The following CDH7 variants were observed in gnomAD, a reference collection of about 807,000 sequenced individuals.
The protein encoded by CDH7 is cadherin 7.
CDH7 carries 25 observed loss-of-function variants against 71.8 expected under a neutral mutation model. The ratio of observed to expected loss-of-function variants is 0.35; its 90% CI spans 0.25 to 0.49. The LOEUF is 0.49. Among genes scored for constraint, CDH7 ranks in the 20% least tolerant of loss-of-function variants. The pLI, the probability that CDH7 is intolerant of heterozygous loss-of-function variation, is 0.99. For synonymous variants in CDH7, 381 were observed against 363.8 expected, an observed-to-expected ratio of 1.05 and a Z score of -0.54; for missense variants, 862 against 974.6, an observed-to-expected ratio of 0.88 and a Z score of 1.54.
At chr18:65,844,138 C>G in intron 7 of CDH7, 73 bp downstream of exon 7, 2 of 1,175,210 alleles carry the variant, frequency 1.7e-6, no homozygotes, top group Non-Finnish European at 2.4e-6. Flanking sequence ...TTATTTTACG[C>G]TCTGATGTTC....
chr18:65,786,395 T>A (rs959741347), intron 2 of CDH7, among the ~76,000 whole-genome samples: 2 of 152,134 alleles, frequency 1.3e-5, no homozygotes, highest in Non-Finnish European at 2.9e-5. Flanking sequence ...ATCATTACAT[T>A]CCTAAGCCCA....
chr18:65,824,625 C>A lies in CDH7; in HGVS notation c.794-19C>A. ...TTAGTTTGGTGTAACGTGTTCATTT[C>A]TTGCTTTGAATTTCACAGGGTCTTA... On this transcript the variant is annotated intron_variant, in intron 5 of 11. Transcript: ENST00000397968. 2.0e-6 allele frequency: 3 copies of A among 1,496,560 alleles called. No homozygotes were observed. Among genetic ancestry groups the A allele is most frequent in the Admixed American group, 2.1e-5 (1 of 47,264 alleles). 92.7% of individuals were successfully genotyped at this position (1,496,560 alleles called of 1,614,324 possible).
At position 65,809,800 on chromosome 18, in the gene CDH7, G is replaced by A. The variant is rs776542846; in HGVS notation, c.307G>A (p.Asp103Asn). The A allele has an allele frequency of 6.2e-7, 1 of 1,614,026 alleles. No homozygotes were observed. The highest frequency in any genetic ancestry group is 8.5e-7 in the Non-Finnish European group (1 of 1,179,964). The change falls in exon 3 of 12, where the codon GAT becomes AAT. Residue 103 changes from aspartate to asparagine, a missense_variant. Physicochemically the swap from Asp to Asn is conservative, Grantham distance 23 (BLOSUM62 1). Transcript: ENST00000397968. ...SIFIIDENTG[D>N]IHATKRLDRE... is the part of the protein sequence containing the mutation. Reference sequence around the variant, plus strand: ...TTTCATTATTGATGAGAACACTGGGGATATTCATGCCACCAAGAGACTGGA... The same window carrying A: ...TTTCATTATTGATGAGAACACTGGGAATATTCATGCCACCAAGAGACTGGA...
chr18:65,845,228 CAT>C (rs1294519891), intron 7 of CDH7, among the ~76,000 whole-genome samples: 2 of 148,698 alleles, frequency 1.3e-5, no homozygotes. Flanking sequence ...TACATACACA[CAT>C]ATATATAGAA....
In CDH7 at chr18:65,880,991, AG is replaced by A; in HGVS notation, c.*98del. The A allele has an allele frequency of 8.5e-7, 1 of 1,180,128 alleles. No homozygotes were observed. Among genetic ancestry groups the A allele is most frequent in the Non-Finnish European group, 1.2e-6 (1 of 858,482 alleles). 73.1% of individuals were successfully genotyped at this position (1,180,128 alleles called of 1,614,324 possible). The stretch of plus-strand genomic sequence containing the variant: ...AATAAACCACTACATACAGAAAACA[AG>A]AACTCCCCTTGCTGGAGACAGATGG... On this transcript the variant is annotated 3_prime_UTR_variant, in exon 12 of 12. Coordinates refer to ENST00000397968, the MANE Select transcript of CDH7 (RefSeq NM_004361.5).
rs73542735 is a variant in CDH7 at position 65,804,353 on chromosome 18, G to A, written c.211-5351G>A. On this transcript the variant is annotated intron_variant, in intron 2 of 11. Transcript: ENST00000397968. ...TTAGGTAGTAAAGATAAGATCATCAGTAAGATCAAATAACAAGCAGAGTTT... is the reference window on the plus strand; with the variant it reads ...TTAGGTAGTAAAGATAAGATCATCAATAAGATCAAATAACAAGCAGAGTTT... 6.1e-3 allele frequency among the ~76,000 whole-genome samples: 921 copies of A among 152,160 alleles called. 13 individuals carry two copies. Among genetic ancestry groups the A allele is most frequent in the African/African-American group, 0.021 (889 of 41,542 alleles).
intron 4 of CDH7, among the ~76,000 whole-genome samples, chr18:65,819,454 A>G (rs1911839779): frequency 2.6e-5 from 4 of 152,014 alleles, no homozygotes. Flanking sequence ...AACCTCCTGG[A>G]CTAAGTCCCA....
chr18:65,809,379 C>T (rs1911441633), intron 2 of CDH7, among the ~76,000 whole-genome samples: 1 of 152,152 alleles, frequency 6.6e-6, no homozygotes, highest in African/African-American at 2.4e-5. Flanking sequence ...TACTGAATGC[C>T]TGCTCTGTTC....
At chr18:65,750,641 C>G (rs1389966303), upstream of CDH7, 1 of 152,126 alleles carries the variant, frequency 6.6e-6, no homozygotes, top group Non-Finnish European at 1.5e-5. Context: ...TCCAGTAGCC[C>G]CCACCGGGTC....
chr18:65,834,834 C>A (rs568896743), intron 6 of CDH7, among the ~76,000 whole-genome samples: 1 of 152,308 alleles, frequency 6.6e-6, no homozygotes, highest in South Asian at 2.1e-4. Context: ...TCTGGATATG[C>A]TGCCATCACC....
intron 6 of CDH7, among the ~76,000 whole-genome samples, chr18:65,832,065 A>G (rs1001528614): frequency 9.9e-5 from 15 of 152,144 alleles, no homozygotes; most frequent in African/African-American, 3.6e-4. Context: ...CATTTGGACA[A>G]TAAAGCTTTA....
intron 7 of CDH7, among the ~76,000 whole-genome samples, chr18:65,844,832 T>TGTCTTATTTG: frequency 6.6e-6 from 1 of 152,094 alleles, no homozygotes; most frequent in South Asian, 2.1e-4. Flanking sequence ...TTGTATTATA[T>TGTCTTATTTG]GTCTTATTTG....
intron 11 of CDH7, among the ~76,000 whole-genome samples, chr18:65,874,964 A>G (rs1217771460): frequency 6.6e-6 from 1 of 152,174 alleles, no homozygotes; most frequent in Admixed American, 6.5e-5. Flanking sequence ...ATGCATGTGG[A>G]GCAAGCTTGT....
chr18:65,750,346 A>AGCTC (rs1915827612), upstream of CDH7: 1 of 152,016 alleles, frequency 6.6e-6, no homozygotes, highest in Non-Finnish European at 1.5e-5. Flanking sequence ...ATGCCTCAGG[A>AGCTC]GCTCAACTGA....
At chr18:65,858,076 A>G (rs1913429522) in intron 8 of CDH7, 124 bp downstream of exon 8, 6 of 791,270 alleles carry the variant, frequency 7.6e-6, no homozygotes, top group Middle Eastern at 2.5e-4. Context: ...AAAACTTGAG[A>G]ATACCAAATT....
intron 2 of CDH7, among the ~76,000 whole-genome samples, chr18:65,793,313 AT>A (rs1316472800): frequency 2.6e-5 from 4 of 151,052 alleles, no homozygotes; most frequent in African/African-American, 9.8e-5. Context: ...CGTGTGTGTC[AT>A]TTCAGCTTCT....
At chr18:65,766,132 G>A (rs758852179) in intron 2 of CDH7, among the ~76,000 whole-genome samples, 31 of 151,890 alleles carry the variant, frequency 2.0e-4, no homozygotes, top group Non-Finnish European at 3.8e-4. Flanking sequence ...GTCTATTTTG[G>A]GGGAGCTTAA....
chr18:65,796,851 G>A (rs148029529), intron 2 of CDH7, among the ~76,000 whole-genome samples: 31 of 152,182 alleles, frequency 2.0e-4, no homozygotes, highest in African/African-American at 7.2e-4. Flanking sequence ...ATAAATAATC[G>A]AATATACTTC....
At position 65,880,512 on chromosome 18, in the gene CDH7, G is replaced by A; in HGVS notation, c.1976G>A (p.Gly659Glu). The A allele has an allele frequency of 6.2e-7, 1 of 1,613,128 alleles. No individual in the cohort carries two copies. The highest frequency in any genetic ancestry group is 8.5e-7 in the Non-Finnish European group (1 of 1,179,766). ...GTGAGATACGATGACGAGGGCGGGGGAGAGGAGGACACGGAAGCGTTTGAC... is the reference window on the plus strand; with the variant it reads ...GTGAGATACGATGACGAGGGCGGGGAAGAGGAGGACACGGAAGCGTTTGAC... Reference protein sequence around the residue: ...NIVRYDDEGGGEEDTEAFDMA... With the variant: ...NIVRYDDEGGEEEDTEAFDMA... The change falls in exon 12 of 12, where the codon GGA becomes GAA. Residue 659 changes from glycine to glutamate, a missense_variant. Physicochemically the swap from Gly to Glu is moderately conservative, Grantham distance 98. Transcript: ENST00000397968.
Sources: gnomAD v4.1 joint callset for allele counts (sites outside exome capture counted in the v4.1 genomes callset) on GRCh38, gnomAD v4.1.1 for gene constraint, MANE v1.5 for transcripts, NCBI Gene and HGNC (gene_info 2026-07-23, HGNC 2026-07-21) for gene names.